Variants in PPHLN1 observed in about 807,000 individuals in gnomAD.
The protein encoded by PPHLN1 is periphilin 1.
Under a neutral mutation model 51.3 loss-of-function variants are expected in PPHLN1, and 29 were observed. The observed-to-expected ratio is 0.57, with a 90% CI of 0.42 to 0.77. PPHLN1 has a LOEUF of 0.77. PPHLN1 is among the 30% of genes least tolerant of loss of function. The pLI, the probability that PPHLN1 is intolerant of heterozygous loss-of-function variation, is 0.00. For missense variants in PPHLN1, 436 were observed against 438.4 expected (o/e 0.99, Z 0.05); for synonymous variants, 147 against 147.8 (o/e 0.99, Z 0.04).
At chr12:42,392,907 A>G (rs1033416662) in intron 7 of PPHLN1, among the ~76,000 whole-genome samples, 5 of 152,240 alleles carry the variant, frequency 3.3e-5, no homozygotes, top group South Asian at 2.1e-4. Flanking sequence ...ATTAACCCCT[A>G]TTTTGTAAAT....
chr12:42,382,275 A>G (rs1382962900), intron 5 of PPHLN1, among the ~76,000 whole-genome samples: 4 of 152,176 alleles, frequency 2.6e-5, no homozygotes, highest in Non-Finnish European at 5.9e-5. Flanking sequence ...CCTCAATAGG[A>G]AAAACATTAT....
chr12:42,390,978 C>T (rs1037437918), intron 7 of PPHLN1, among the ~76,000 whole-genome samples: 1 of 152,080 alleles, frequency 6.6e-6, no homozygotes. Context: ...ACTATAAAAT[C>T]TTAAAATGGA....
intron 9 of PPHLN1, among the ~76,000 whole-genome samples, chr12:42,401,783 G>A (rs551348178): frequency 6.6e-6 from 1 of 152,284 alleles, no homozygotes; most frequent in East Asian, 1.9e-4. Flanking sequence ...GTAATTTATA[G>A]TTAAAATATA....
intron 9 of PPHLN1, among the ~76,000 whole-genome samples, chr12:42,402,810 C>T (rs1387071594): frequency 6.6e-6 from 1 of 152,122 alleles, no homozygotes; most frequent in Non-Finnish European, 1.5e-5. Context: ...AGGTTTTCTT[C>T]CGTAGATAGG....
rs201722204 is a variant in PPHLN1, at chr12:42,340,311, CAAAAAAAA to C, written c.72+4348_72+4355del. 8.8e-3 allele frequency among the ~76,000 whole-genome samples: 678 copies of C among 77,470 alleles called. 1 individual carries two copies. The highest frequency in any genetic ancestry group is 0.032 in the African/African-American group (657 of 20,508). 50.8% of individuals were successfully genotyped at this position (77,470 alleles called of 152,430 possible). On this transcript the variant is annotated intron_variant, in intron 2 of 9. Coordinates refer to ENST00000358314, the MANE Select transcript of PPHLN1 (RefSeq NM_201439.2). ...GGCAACAGAGGGAGAGATCCTGTCT[CAAAAAAAA>C]AAAAAAAAAAGATTTAAAAATATTT...
At chr12:42,404,612 G>A (rs867806795) in intron 9 of PPHLN1, among the ~76,000 whole-genome samples, 1 of 152,218 alleles carries the variant, frequency 6.6e-6, no homozygotes, top group East Asian at 1.9e-4. Flanking sequence ...TTTCTGGTCA[G>A]TGTCAAGGTT....
intron 9 of PPHLN1, among the ~76,000 whole-genome samples, chr12:42,440,536 G>A (rs887980653): frequency 6.6e-6 from 1 of 152,158 alleles, no homozygotes; most frequent in Non-Finnish European, 1.5e-5. Flanking sequence ...CCAGAATGTT[G>A]TCTAACTTGG....
At chr12:42,439,766 C>T (rs140181271) in intron 9 of PPHLN1, among the ~76,000 whole-genome samples, 30 of 152,342 alleles carry the variant, frequency 2.0e-4, no homozygotes, top group African/African-American at 6.7e-4. Context: ...CTAAGGTGAT[C>T]TGCCTGCCTC....
downstream of PPHLN1, chr12:42,444,685 A>G (rs2083201016): frequency 5.2e-6 from 1 of 193,102 alleles, no homozygotes; most frequent in Non-Finnish European, 1.1e-5. Context: ...AGTAAAAAAC[A>G]ATTTGAAGCA....
intron 9 of PPHLN1, among the ~76,000 whole-genome samples, chr12:42,401,927 T>C (rs1384691856): frequency 6.6e-6 from 1 of 152,098 alleles, no homozygotes; most frequent in African/African-American, 2.4e-5. Flanking sequence ...CGATTACACC[T>C]CACTGCAGCC....
At chr12:42,381,989 T>C (rs1355730808) in intron 5 of PPHLN1, among the ~76,000 whole-genome samples, 1 of 152,218 alleles carries the variant, frequency 6.6e-6, no homozygotes, top group Non-Finnish European at 1.5e-5. Flanking sequence ...TCATCTCTTA[T>C]GATTATGCTG....
chr12:42,350,872 G>C lies in PPHLN1; in HGVS notation c.73-1013G>C, dbSNP rs529331700. 3.5e-4 allele frequency among the ~76,000 whole-genome samples: 53 copies of C among 152,200 alleles called. 1 individual carries two copies. Among genetic ancestry groups the C allele is most frequent in the Admixed American group, 7.2e-4 (11 of 15,286 alleles). On this transcript the variant is annotated intron_variant, in intron 2 of 9. Transcript: ENST00000358314. ...CCAGGCACTCGGCAGGCTGAGGCAG[G>C]AGAATCAGGCAGGGAGAGGTTGCAG...
chr12:42,390,390 A>G (rs575653425), intron 7 of PPHLN1, among the ~76,000 whole-genome samples: 1 of 152,346 alleles, frequency 6.6e-6, no homozygotes, highest in African/African-American at 2.4e-5. Context: ...AAGAAGAGTA[A>G]ATAGTACCTG....
intron 8 of PPHLN1, chr12:42,398,648 TA>T (rs993491034): frequency 0.082 from 26,957 of 328,050 alleles, 6 homozygotes; most frequent in East Asian, 0.12. Flanking sequence ...TGTTCCATAT[TA>T]AAAAAAAAAA....
intron 9 of PPHLN1, among the ~76,000 whole-genome samples, chr12:42,426,222 ACACACACC>A (rs1203693922): frequency 8.2e-6 from 1 of 121,724 alleles, no homozygotes; most frequent in African/African-American, 3.3e-5. Flanking sequence ...ACACACACAC[ACACACACC>A]CTCATGCATT....
chr12:42,397,393 G>A (rs1287377864), intron 8 of PPHLN1, among the ~76,000 whole-genome samples: 8 of 151,966 alleles, frequency 5.3e-5, no homozygotes, highest in South Asian at 2.1e-4. Flanking sequence ...ACAGTACCTC[G>A]GACATATATA....
intron 2 of PPHLN1, among the ~76,000 whole-genome samples, chr12:42,338,660 C>T (rs1297292729): frequency 6.6e-6 from 1 of 152,208 alleles, no homozygotes; most frequent in African/African-American, 2.4e-5. Flanking sequence ...GTGTAAGTTA[C>T]TGGAGTTGAG....
intron 9 of PPHLN1, among the ~76,000 whole-genome samples, chr12:42,426,171 A>ACC (rs1267899412): frequency 2.2e-5 from 2 of 90,936 alleles, no homozygotes; most frequent in Non-Finnish European, 4.3e-5. Context: ...TAGACTTGAC[A>ACC]CCACACACAC....
At chr12:42,390,138 A>G (rs1317846621) in intron 7 of PPHLN1, among the ~76,000 whole-genome samples, 2 of 152,190 alleles carry the variant, frequency 1.3e-5, no homozygotes, top group Non-Finnish European at 2.9e-5. Context: ...TAGGAAGAGT[A>G]GATATCACCT....
Sources: gnomAD v4.1 joint callset for allele counts (sites outside exome capture counted in the v4.1 genomes callset) on GRCh38, gnomAD v4.1.1 for gene constraint, MANE v1.5 for transcripts, NCBI Gene and HGNC (gene_info 2026-07-23, HGNC 2026-07-21) for gene names.